The following LHPP variants were observed in gnomAD, a reference collection of about 807,000 sequenced individuals.
The protein encoded by LHPP is hLHPP.
LHPP carries 24 observed loss-of-function variants against 30.3 expected under a neutral mutation model. The observed-to-expected ratio is 0.79, with a 90% CI of 0.57 to 1.11. The LOEUF (loss-of-function observed/expected upper bound fraction) is 1.11, where lower values mean the gene tolerates loss of function less well. LHPP is among the 50% of genes most tolerant of loss of function. The probability of loss-of-function intolerance (pLI) is 0.00; values close to 1 mark genes in which losing one functional copy is unlikely to be tolerated. For synonymous variants in LHPP, 150 were observed against 157.1 expected (o/e 0.95, Z 0.34); for missense variants, 356 against 367.2 (o/e 0.97, Z 0.25).
chr10:124,595,495 C>G (rs896918304), intron 6 of LHPP, among the ~76,000 whole-genome samples: 1 of 152,238 alleles, frequency 6.6e-6, no homozygotes, highest in Non-Finnish European at 1.5e-5. Flanking sequence ...ACACCCTGGC[C>G]TGTGCTGCTG....
Position 124,578,641 on chromosome 10 carries a change from T to C in LHPP, c.717-34623T>C, listed in dbSNP as rs138002287. Among the ~76,000 whole-genome samples, 1,434 of 152,296 alleles carry C rather than the reference T, an allele frequency of 9.4e-3. 19 individuals carry two copies. The highest frequency in any genetic ancestry group is 0.012 in the Non-Finnish European group (787 of 68,014). On this transcript the variant is annotated intron_variant, in intron 6 of 6. Coordinates refer to ENST00000368842, the MANE Select transcript of LHPP (RefSeq NM_022126.4). ...TTCAGGGAGGATGTAACTGTGTGTGTGGCAGGTGCTGTGGTGGCACAGAGC... is the reference window on the plus strand; with the variant it reads ...TTCAGGGAGGATGTAACTGTGTGTGCGGCAGGTGCTGTGGTGGCACAGAGC...
In LHPP at chr10:124,570,184, A is replaced by G. The variant is rs562249234; in HGVS notation, c.717-43080A>G. ...TTACTCTTAGGAGGGACTGGAGGAA[A>G]AGCCCCTCTCTGTCCCCATGGCACC... On this transcript the variant is annotated intron_variant, in intron 6 of 6. Coordinates refer to ENST00000368842, the MANE Select transcript of LHPP (RefSeq NM_022126.4). 6.6e-5 allele frequency among the ~76,000 whole-genome samples: 10 copies of G among 152,306 alleles called. No individual in the cohort carries two copies. The East Asian group carries it at 9.7e-4, about 15-fold the overall frequency.
At position 124,498,072 on chromosome 10, in the gene LHPP, C is replaced by G. The variant is rs375457352; in HGVS notation, c.568C>G (p.Pro190Ala). ...CGIKAEVVGK[P>A]SPEFFKSALQ... The stretch of plus-strand genomic sequence containing the variant: ...CATCAAAGCCGAGGTGGTGGGGAAG[C>G]CTTCTCCTGAGTTTTTCAAGTCTGC... Residue 190 changes from proline (P) to alanine (A), a missense_variant, in exon 5 of 7, where the codon CCT (proline) becomes GCT (alanine). Transcript: ENST00000368842. The G allele has an allele frequency of 3.3e-5, 53 of 1,614,062 alleles. No individual in the cohort carries two copies. Among genetic ancestry groups the G allele is most frequent in the Middle Eastern group, 1.6e-4 (1 of 6,084 alleles).
At chr10:124,507,158 GGA>G (rs776187050) in intron 5 of LHPP, among the ~76,000 whole-genome samples, 2 of 89,746 alleles carry the variant, frequency 2.2e-5, no homozygotes, top group Non-Finnish European at 4.4e-5. Flanking sequence ...ATTTCAGGTG[GGA>G]GGGTAGGCAG....
intron 1 of LHPP, among the ~76,000 whole-genome samples, chr10:124,475,054 G>A (rs537296745): frequency 2.3e-4 from 3 of 12,794 alleles, no homozygotes; most frequent in African/African-American, 1.3e-3. Flanking sequence ...ATGGAGTCTC[G>A]CTCTGTCGCC....
At chr10:124,495,263 C>G (rs996217398) in intron 3 of LHPP, among the ~76,000 whole-genome samples, 6 of 152,110 alleles carry the variant, frequency 3.9e-5, no homozygotes, top group African/African-American at 1.4e-4. Context: ...AGCACAGAGC[C>G]TCAGAGGCTG....
Position 124,553,652 on chromosome 10 carries a change from G to C in LHPP, c.716+36381G>C, listed in dbSNP as rs1485636429. The stretch of plus-strand genomic sequence containing the variant: ...TTTTTGTATTTTTTAGTAGAGACAG[G>C]GTTTCACCGTGTTAGCCAGGATGGT... On this transcript the variant is annotated intron_variant, in intron 6 of 6. Transcript: ENST00000368842. 2.0e-5 allele frequency among the ~76,000 whole-genome samples: 3 copies of C among 151,930 alleles called. No individual in the cohort carries two copies. The East Asian group carries it at 5.8e-4, about 29-fold the overall frequency.
chr10:124,512,748 G>A (rs1217522311), intron 5 of LHPP, among the ~76,000 whole-genome samples: 1 of 152,104 alleles, frequency 6.6e-6, no homozygotes, highest in East Asian at 1.9e-4. Context: ...GTGGAGGCTG[G>A]CCCAAGGTCA....
intron 6 of LHPP, among the ~76,000 whole-genome samples, chr10:124,607,229 AG>A (rs1242332479): frequency 6.6e-6 from 1 of 152,188 alleles, no homozygotes; most frequent in Admixed American, 6.5e-5. Flanking sequence ...CACAGGTCAC[AG>A]GGCACTGGCC....
intron 5 of LHPP, among the ~76,000 whole-genome samples, 194 bp from the exon 6 acceptor site, chr10:124,516,986 A>G (rs1954472297): frequency 6.6e-6 from 1 of 152,196 alleles, no homozygotes; most frequent in African/African-American, 2.4e-5. Flanking sequence ...GCTGTGGCCT[A>G]CGGGGGCAGT....
chr10:124,526,922 C>A (rs1954755328), intron 6 of LHPP, among the ~76,000 whole-genome samples: 1 of 152,214 alleles, frequency 6.6e-6, no homozygotes, highest in Admixed American at 6.5e-5. Context: ...AAGAAGGGGC[C>A]CGCAGTGAAC....
chr10:124,508,141 A>G (rs1265288032), intron 5 of LHPP, among the ~76,000 whole-genome samples: 1 of 151,964 alleles, frequency 6.6e-6, no homozygotes, highest in East Asian at 1.9e-4. Flanking sequence ...TGGGGAGTAC[A>G]TGTCTGTCCA....
intron 1 of LHPP, 102 bp from the exon 2 acceptor site, chr10:124,484,037 C>T: frequency 8.8e-7 from 1 of 1,136,596 alleles, no homozygotes; most frequent in East Asian, 2.6e-5. Flanking sequence ...CTAGTCTGCT[C>T]TGGGCTTTGC....
intron 6 of LHPP, among the ~76,000 whole-genome samples, chr10:124,535,102 G>T (rs912120765): frequency 6.6e-6 from 1 of 152,164 alleles, no homozygotes; most frequent in African/African-American, 2.4e-5. Context: ...TGTGTGTGGC[G>T]ATAGCAACAT....
intron 6 of LHPP, among the ~76,000 whole-genome samples, chr10:124,608,960 C>G (rs532405743): frequency 6.6e-6 from 1 of 152,186 alleles, no homozygotes; most frequent in Non-Finnish European, 1.5e-5. Flanking sequence ...CCAGAGCAGC[C>G]GCATCTCTGC....
chr10:124,611,567 G>C (rs1949198421), intron 6 of LHPP, among the ~76,000 whole-genome samples: 1 of 151,758 alleles, frequency 6.6e-6, no homozygotes, highest in Admixed American at 6.6e-5. Flanking sequence ...GAGCCAAAAG[G>C]TATACCCTCA....
At chr10:124,501,400 G>A (rs753863365) in intron 5 of LHPP, among the ~76,000 whole-genome samples, 2 of 151,570 alleles carry the variant, frequency 1.3e-5, no homozygotes, top group Admixed American at 1.3e-4. Context: ...TCAGGAGTTC[G>A]AGATCAGCCT....
chr10:124,545,073 G>A (rs904021941), intron 6 of LHPP, among the ~76,000 whole-genome samples: 3 of 152,112 alleles, frequency 2.0e-5, no homozygotes, highest in Non-Finnish European at 4.4e-5. Flanking sequence ...AGCTCTGCCT[G>A]CCACCTCCCT....
chr10:124,503,899 G>A (rs1018320231), intron 5 of LHPP, among the ~76,000 whole-genome samples: 5 of 152,146 alleles, frequency 3.3e-5, no homozygotes, highest in African/African-American at 1.2e-4. Flanking sequence ...GTATTTAAAA[G>A]TTTATAAGTA....
Sources: gnomAD v4.1 joint callset for allele counts (sites outside exome capture counted in the v4.1 genomes callset) on GRCh38, gnomAD v4.1.1 for gene constraint, MANE v1.5 for transcripts, NCBI Gene and HGNC (gene_info 2026-07-23, HGNC 2026-07-21) for gene names.